XPO6: variants seen among roughly 807,000 people sequenced by gnomAD.
XPO6 encodes the protein exportin-6.
A neutral mutation model predicts 130.0 loss-of-function variants in XPO6; 3 were observed. The ratio of observed to expected loss-of-function variants is 0.02; its 90% confidence interval spans 0.01 to 0.06. The LOEUF (loss-of-function observed/expected upper bound fraction) is 0.06. Ranked by LOEUF, XPO6 falls within the 10% of genes least tolerant of loss-of-function variation. XPO6 has a pLI of 1.00. For synonymous variants in XPO6, 524 were observed against 548.9 expected, an observed-to-expected ratio of 0.95 and a Z score of 0.63; for missense variants, 970 against 1,393.0, an observed-to-expected ratio of 0.70 and a Z score of 4.83.
At chr16:28,115,270 A>T (rs1198205192) in intron 15 of XPO6, among the ~76,000 whole-genome samples, 1 of 152,212 alleles carries the variant, frequency 6.6e-6, no homozygotes. Context: ...TGGCAGCTAT[A>T]GTCTTATGAA....
chr16:28,208,827 T>C (rs946561657), intron 1 of XPO6, among the ~76,000 whole-genome samples: 3 of 152,254 alleles, frequency 2.0e-5, no homozygotes, highest in African/African-American at 7.2e-5. Flanking sequence ...CATCTGTACA[T>C]GCCCTAGGCC....
intron 8 of XPO6, among the ~76,000 whole-genome samples, chr16:28,152,302 T>C (rs897813851): frequency 6.6e-6 from 1 of 152,242 alleles, no homozygotes; most frequent in Non-Finnish European, 1.5e-5. Context: ...CAGTGGCAGT[T>C]ACAGAACAGA....
chr16:28,175,863 T>C (rs779445320), intron 4 of XPO6, 35 bp downstream of exon 4: 14 of 1,586,916 alleles, frequency 8.8e-6, no homozygotes, highest in Non-Finnish European at 1.1e-5. Context: ...AAACAAACTA[T>C]TCACAAGATA....
chr16:28,193,644 T>C (rs2043816421), intron 1 of XPO6, among the ~76,000 whole-genome samples: 1 of 152,168 alleles, frequency 6.6e-6, no homozygotes, highest in Non-Finnish European at 1.5e-5. Context: ...GGCGCCTTTC[T>C]GGAGGGAGTC....
rs772081390 is a variant in XPO6, at chr16:28,111,945, G to A, written c.2213C>T (p.Pro738Leu). 6.2e-7 allele frequency: 1 copy of A among 1,614,094 alleles called. No homozygotes were observed. The highest frequency in any genetic ancestry group is 1.7e-5 in the Admixed American group (1 of 60,002). The change falls in exon 17 of 24, where the codon CCA (proline) becomes CTA (leucine). Residue 738 changes from proline (P) to leucine (L), a missense_variant. Physicochemically the swap from Pro to Leu is moderately conservative, Grantham distance 98. Around this residue, in one of 4 missense-constraint regions of XPO6, gnomAD observed 936 missense variants for 1,306.8 expected, o/e 0.72. Coordinates refer to ENST00000304658, the MANE Select transcript of XPO6 (RefSeq NM_015171.4). Reference protein sequence around the residue: ...NILLLPWPNLPENEQQWPVRS... With the variant: ...NILLLPWPNLLENEQQWPVRS... ...CACGGGCCACTGCTGCTCATTCTCTGGAAGGTTTGGCCACGGAAGCAGCAA... is the reference window on the plus strand; with the variant it reads ...CACGGGCCACTGCTGCTCATTCTCTAGAAGGTTTGGCCACGGAAGCAGCAA...
At position 28,156,196 on chromosome 16, in the gene XPO6, C is replaced by T; in HGVS notation, c.975G>A (p.Val325=). The T allele has an allele frequency of 6.2e-7, 1 of 1,614,200 alleles. No homozygotes were observed. The highest frequency in any genetic ancestry group is 8.5e-7 in the Non-Finnish European group (1 of 1,180,030). ...CINELMSKNC[V]PMEFEEYLLR... ...GTAAATACTCCTCAAATTCCATAGG[C>T]ACACAGTTCTTGGACATGAGTTCAT... is the stretch of plus-strand genomic sequence containing the variant. Residue 325 remains valine (V), a synonymous_variant, in exon 7 of 24, where the codon GTG becomes GTA. Coordinates refer to ENST00000304658, the MANE Select transcript of XPO6 (RefSeq NM_015171.4).
chr16:28,166,622 A>C, intron 5 of XPO6, 37 bp from the exon 6 acceptor site: 3 of 1,555,236 alleles, frequency 1.9e-6, no homozygotes, highest in Non-Finnish European at 2.6e-6. Flanking sequence ...TAAGAGAAAT[A>C]ATGTCCAGCA....
intron 13 of XPO6, among the ~76,000 whole-genome samples, chr16:28,122,251 C>T (rs985965091): frequency 6.6e-6 from 1 of 151,892 alleles, no homozygotes; most frequent in African/African-American, 2.4e-5. Flanking sequence ...TGATTTTTTT[C>T]CCTCTATTTT....
At chr16:28,178,342 G>A (rs980988212) in intron 2 of XPO6, among the ~76,000 whole-genome samples, 1 of 152,100 alleles carries the variant, frequency 6.6e-6, no homozygotes, top group African/African-American at 2.4e-5. Flanking sequence ...GCTGAGGCAG[G>A]AGGACTGCTT....
At chr16:28,108,356 C>T (rs145732382) in intron 17 of XPO6, among the ~76,000 whole-genome samples, 2 of 152,342 alleles carry the variant, frequency 1.3e-5, no homozygotes, top group African/African-American at 4.8e-5. Flanking sequence ...GGGCCGCAAA[C>T]AGGCAGAGGT....
Position 28,152,074 on chromosome 16 carries a change from A to ATG in XPO6, c.1224+583_1224+584dup, listed in dbSNP as rs71389527. Among the ~76,000 whole-genome samples the ATG allele has an allele frequency of 2.2e-3, 331 of 151,236 alleles. 1 individual carries two copies. Among genetic ancestry groups the ATG allele is most frequent in the Admixed American group, 4.0e-3 (61 of 15,206 alleles). Reference sequence around the variant, plus strand: ...ACATATATAATTTTATATATTTTTTATGTGTGTGTGTGTGTACACACACAT... The same window carrying ATG: ...ACATATATAATTTTATATATTTTTTATGTGTGTGTGTGTGTGTACACACACAT... On this transcript the variant is annotated intron_variant, in intron 8 of 23. Coordinates refer to ENST00000304658, the MANE Select transcript of XPO6 (RefSeq NM_015171.4).
At chr16:28,199,758 C>A (rs1486960297) in intron 1 of XPO6, among the ~76,000 whole-genome samples, 1 of 152,050 alleles carries the variant, frequency 6.6e-6, no homozygotes, top group Non-Finnish European at 1.5e-5. Context: ...GTTGGCCAGG[C>A]TGGTCTCGAA....
chr16:28,149,699 G>T (rs1047634363), intron 8 of XPO6, among the ~76,000 whole-genome samples: 4 of 152,092 alleles, frequency 2.6e-5, no homozygotes, highest in African/African-American at 9.7e-5. Context: ...CTAGGCTTGC[G>T]TAAGTGCACT....
chr16:28,171,000 A>G (rs185225266), intron 4 of XPO6, among the ~76,000 whole-genome samples: 3 of 152,304 alleles, frequency 2.0e-5, no homozygotes, highest in Non-Finnish European at 4.4e-5. Context: ...TCTATAAAAG[A>G]GCAGACAATT....
chr16:28,117,727 C>T (rs2087106118), intron 14 of XPO6, among the ~76,000 whole-genome samples: 1 of 152,204 alleles, frequency 6.6e-6, no homozygotes, highest in Admixed American at 6.5e-5. Context: ...GACACATGCT[C>T]ACCTAAGAGA....
intron 7 of XPO6, chr16:28,154,009 A>G: frequency 1.0e-6 from 1 of 985,308 alleles, no homozygotes; most frequent in Non-Finnish European, 1.2e-6. Context: ...TGATAAAGAG[A>G]ATGGCTGTCT....
intron 1 of XPO6, among the ~76,000 whole-genome samples, chr16:28,196,535 T>C (rs1053478540): frequency 2.6e-5 from 4 of 152,166 alleles, no homozygotes; most frequent in Admixed American, 2.0e-4. Flanking sequence ...CCGAACTGCA[T>C]ACTTTAAAAT....
chr16:28,209,361 C>T (rs897347559), intron 1 of XPO6, among the ~76,000 whole-genome samples: 2 of 151,966 alleles, frequency 1.3e-5, no homozygotes, highest in African/African-American at 4.8e-5. Flanking sequence ...ATATTGAGGC[C>T]GGGCGCGATG....
At chr16:28,176,966 C>A (rs924531811) in intron 3 of XPO6, among the ~76,000 whole-genome samples, 1 of 152,130 alleles carries the variant, frequency 6.6e-6, no homozygotes, top group Admixed American at 6.5e-5. Flanking sequence ...TGATAACAGG[C>A]AGGGAATAGT....
Sources: allele counts gnomAD v4.1 joint callset (sites outside exome capture counted in the v4.1 genomes callset), GRCh38; gene constraint gnomAD v4.1.1; regional missense constraint gnomAD v4.1.1; transcripts MANE v1.5; gene names NCBI Gene and HGNC (gene_info 2026-07-23, HGNC 2026-07-21).